NTRK2: variants seen among roughly 807,000 people sequenced by gnomAD.
The protein encoded by NTRK2 is neurotrophic receptor tyrosine kinase 2.
A neutral mutation model predicts 94.5 loss-of-function variants in NTRK2; 13 were observed. The observed-to-expected ratio is 0.14, with a 90% CI of 0.09 to 0.22. NTRK2 has a LOEUF of 0.22. Ranked by LOEUF, NTRK2 falls within the 10% of genes least tolerant of loss-of-function variation. The pLI, the probability that NTRK2 is intolerant of heterozygous loss-of-function variation, is 1.00. For missense variants in NTRK2, 639 were observed against 1,071.2 expected (o/e 0.60, Z 5.63); for synonymous variants, 372 against 407.4 (o/e 0.91, Z 1.05).
intron 12 of NTRK2, among the ~76,000 whole-genome samples, chr9:84,758,763 A>T (rs2065294317): frequency 3.9e-5 from 6 of 152,230 alleles, no homozygotes; most frequent in Admixed American, 3.9e-4. Context: ...GAATAAAGAT[A>T]TTTGAATAAA....
At chr9:84,862,478 G>T (rs2075382633) in intron 13 of NTRK2, among the ~76,000 whole-genome samples, 1 of 152,188 alleles carries the variant, frequency 6.6e-6, no homozygotes, top group African/African-American at 2.4e-5. Context: ...CACTGCAGAA[G>T]GGTGCTTGTT....
chr9:84,777,945 C>T (rs1487808811), intron 12 of NTRK2, among the ~76,000 whole-genome samples: 2 of 152,128 alleles, frequency 1.3e-5, no homozygotes, highest in Non-Finnish European at 2.9e-5. Context: ...AAGTTCGTTT[C>T]AACAGTGCAA....
intron 14 of NTRK2, among the ~76,000 whole-genome samples, chr9:84,885,802 C>T (rs985036045): frequency 3.9e-5 from 6 of 152,052 alleles, no homozygotes; most frequent in Non-Finnish European, 7.4e-5. Flanking sequence ...CCGAGGCAGG[C>T]GGATTATGAG....
intron 10 of NTRK2, among the ~76,000 whole-genome samples, chr9:84,744,362 A>T (rs2063885387): frequency 6.6e-6 from 1 of 152,200 alleles, no homozygotes; most frequent in African/African-American, 2.4e-5. Flanking sequence ...TTGGCAATTC[A>T]GAACTCTTCA....
At chr9:84,684,031 C>CTTT (rs531958201) in intron 2 of NTRK2, among the ~76,000 whole-genome samples, 1 of 151,652 alleles carries the variant, frequency 6.6e-6, no homozygotes, top group Non-Finnish European at 1.5e-5. Context: ...CCTTTGCCCA[C>CTTT]TTTTTTTATG....
At chr9:84,811,614 TAAG>T (rs1449538718) in intron 12 of NTRK2, 3 of 1,065,356 alleles carry the variant, frequency 2.8e-6, no homozygotes, top group African/African-American at 3.3e-5. Flanking sequence ...GAGGAGATTC[TAAG>T]AAGGATAGTC....
At chr9:84,849,810 C>G (rs2074665963) in intron 12 of NTRK2, among the ~76,000 whole-genome samples, 1 of 152,216 alleles carries the variant, frequency 6.6e-6, no homozygotes, top group African/African-American at 2.4e-5. Flanking sequence ...ACAATTCAGT[C>G]TCTACTATTT....
chr9:84,975,363 G>A (rs748153341), intron 17 of NTRK2, among the ~76,000 whole-genome samples: 1 of 152,122 alleles, frequency 6.6e-6, no homozygotes, highest in Non-Finnish European at 1.5e-5. Flanking sequence ...GAACCAAGAT[G>A]GAGGAAAAGA....
intron 5 of NTRK2, 39 bp from the exon 6 acceptor site, chr9:84,710,598 A>T: frequency 6.2e-7 from 1 of 1,613,042 alleles, no homozygotes; most frequent in Non-Finnish European, 8.5e-7. Flanking sequence ...CTAAAATGGA[A>T]AAAGGAACTT....
chr9:84,927,462 C>T (rs2077862676), intron 14 of NTRK2, among the ~76,000 whole-genome samples: 1 of 152,098 alleles, frequency 6.6e-6, no homozygotes, highest in South Asian at 2.1e-4. Flanking sequence ...TTGTACTCTT[C>T]TCTTTTTCTA....
intron 12 of NTRK2, among the ~76,000 whole-genome samples, chr9:84,781,240 A>G (rs1382399425): frequency 6.6e-6 from 1 of 152,174 alleles, no homozygotes; most frequent in Admixed American, 6.6e-5. Flanking sequence ...GAAAAAGGGC[A>G]ATTCCTGCCT....
At position 85,000,603 on chromosome 9, in the gene NTRK2, C is replaced by A. The variant is rs574726604; in HGVS notation, c.2173-19603C>A. On this transcript the variant is annotated intron_variant, in intron 17 of 18. Transcript: ENST00000277120. ...CTTTTCATGGCTTAATAACTCATAT[C>A]TTTTTAGTTCTAAATAATATTATAT... Among the ~76,000 whole-genome samples, 19 of 152,222 alleles carry A rather than the reference C, an allele frequency of 1.2e-4. 1 individual carries two copies. The East Asian group carries it at 3.5e-3, about 28-fold the overall frequency.
intron 12 of NTRK2, among the ~76,000 whole-genome samples, chr9:84,786,124 C>T (rs1443334830): frequency 6.6e-6 from 1 of 152,242 alleles, no homozygotes; most frequent in Non-Finnish European, 1.5e-5. Context: ...ATGCTGATCC[C>T]TGCCAATCCC....
rs893171285 is a variant in NTRK2, at chr9:84,738,124, C to T, written c.1160-3768C>T. ...TCCTGGATTTCAATATTTTATTCCA[C>T]TGTCTCCCAACATGAAGATTTAAGG... On this transcript the variant is annotated intron_variant, in intron 9 of 18. Transcript: ENST00000277120. 7.5e-4 allele frequency among the ~76,000 whole-genome samples: 113 copies of T among 151,272 alleles called. 4 individuals carry two copies. Among genetic ancestry groups the T allele is most frequent in the African/African-American group, 2.7e-3 (111 of 40,654 alleles).
At chr9:84,802,898 T>A (rs1391890096) in intron 12 of NTRK2, among the ~76,000 whole-genome samples, 1 of 152,124 alleles carries the variant, frequency 6.6e-6, no homozygotes, top group African/African-American at 2.4e-5. Flanking sequence ...ATGAGTGGGT[T>A]CTCTTGAAGA....
At chr9:85,002,635 A>G (rs1312555916) in intron 17 of NTRK2, among the ~76,000 whole-genome samples, 1 of 152,222 alleles carries the variant, frequency 6.6e-6, no homozygotes, top group Admixed American at 6.5e-5. Context: ...CATCTTCTGA[A>G]AGGTTTACTA....
At chr9:84,908,225 G>A (rs566107884) in intron 14 of NTRK2, among the ~76,000 whole-genome samples, 23 of 152,314 alleles carry the variant, frequency 1.5e-4, no homozygotes, top group Admixed American at 1.2e-3. Flanking sequence ...GCAGATTCTC[G>A]ACATACATCT....
chr9:84,858,379 A>T (rs1270978620), intron 12 of NTRK2, among the ~76,000 whole-genome samples: 1 of 151,440 alleles, frequency 6.6e-6, no homozygotes, highest in East Asian at 1.9e-4. Context: ...TGCGATTTTC[A>T]CTATAATATC....
intron 14 of NTRK2, among the ~76,000 whole-genome samples, chr9:84,879,780 A>C (rs74363143): frequency 0.051 from 7,790 of 152,050 alleles, 450 homozygotes; most frequent in East Asian, 0.19. Context: ...TAGTGTTGGC[A>C]TTGCCCCTTT....
Sources: gnomAD v4.1 joint callset for allele counts (sites outside exome capture counted in the v4.1 genomes callset) on GRCh38, gnomAD v4.1.1 for gene constraint, MANE v1.5 for transcripts, NCBI Gene and HGNC (gene_info 2026-07-23, HGNC 2026-07-21) for gene names.